ZNF385B: variants seen among roughly 807,000 people sequenced by gnomAD.
ZNF385B encodes the protein zinc finger protein 385B.
ZNF385B carries 23 observed loss-of-function variants against 39.2 expected under a neutral mutation model. That is an observed-to-expected ratio of 0.59 (90% CI 0.42 to 0.83). The LOEUF (loss-of-function observed/expected upper bound fraction) is 0.83. ZNF385B is among the 40% of genes least tolerant of loss of function. The pLI, the probability that ZNF385B is intolerant of heterozygous loss-of-function variation, is 0.00. For missense variants in ZNF385B, 552 were observed against 598.9 expected (o/e 0.92, Z 0.82); for synonymous variants, 205 against 222.6 (o/e 0.92, Z 0.70).
intron 3 of ZNF385B, among the ~76,000 whole-genome samples, chr2:179,578,135 G>A (rs1353429492): frequency 1.3e-5 from 2 of 152,048 alleles, no homozygotes; most frequent in Admixed American, 1.3e-4. Context: ...TTATATTTAT[G>A]TATGTTGCAC....
At chr2:179,807,988 C>A (rs1345838945) in intron 1 of ZNF385B, among the ~76,000 whole-genome samples, 2 of 151,846 alleles carry the variant, frequency 1.3e-5, no homozygotes, top group Non-Finnish European at 2.9e-5. Flanking sequence ...TAAAGTTAAA[C>A]AACATACAAA....
intron 3 of ZNF385B, among the ~76,000 whole-genome samples, chr2:179,639,056 C>T (rs538766104): frequency 1.3e-5 from 2 of 151,526 alleles, no homozygotes; most frequent in African/African-American, 2.4e-5. Context: ...CCCATCTCTA[C>T]AAAAAATACA....
chr2:179,555,532 C>T (rs1480470636), intron 3 of ZNF385B, among the ~76,000 whole-genome samples: 1 of 149,520 alleles, frequency 6.7e-6, no homozygotes, highest in Non-Finnish European at 1.5e-5. Flanking sequence ...GCTATTAATT[C>T]TAATAAAATG....
At chr2:179,742,078 T>C (rs934969454) in intron 3 of ZNF385B, among the ~76,000 whole-genome samples, 1 of 152,162 alleles carries the variant, frequency 6.6e-6, no homozygotes, top group African/African-American at 2.4e-5. Flanking sequence ...ATTAATTGTA[T>C]AATACTCATT....
intron 3 of ZNF385B, among the ~76,000 whole-genome samples, chr2:179,628,451 C>T (rs890952101): frequency 1.6e-4 from 24 of 152,144 alleles, no homozygotes; most frequent in Non-Finnish European, 7.4e-5. Context: ...CATGTGACAT[C>T]TTCCTCTTTC....
chr2:179,641,220 CT>C (rs1692239497), intron 3 of ZNF385B, among the ~76,000 whole-genome samples: 1 of 151,910 alleles, frequency 6.6e-6, no homozygotes, highest in Non-Finnish European at 1.5e-5. Flanking sequence ...GTTTTATAGT[CT>C]TCAATCATAT....
chr2:179,460,696 G>A (rs1245858296), intron 6 of ZNF385B, among the ~76,000 whole-genome samples: 3 of 152,174 alleles, frequency 2.0e-5, no homozygotes. Context: ...TCAGACCCAT[G>A]ACTCATGACT....
At chr2:179,576,920 T>C (rs1685892393) in intron 3 of ZNF385B, among the ~76,000 whole-genome samples, 1 of 152,164 alleles carries the variant, frequency 6.6e-6, no homozygotes, top group East Asian at 1.9e-4. Context: ...GCCTCCTTGA[T>C]CAAGGTGTTA....
intron 3 of ZNF385B, among the ~76,000 whole-genome samples, chr2:179,639,530 T>C (rs544799735): frequency 6.6e-6 from 1 of 152,270 alleles, no homozygotes; most frequent in East Asian, 1.9e-4. Context: ...TTGCCAATTA[T>C]ACCTTAATAA....
intron 1 of ZNF385B, among the ~76,000 whole-genome samples, chr2:179,828,782 T>C (rs955577696): frequency 1.2e-4 from 18 of 152,176 alleles, no homozygotes; most frequent in African/African-American, 4.1e-4. Flanking sequence ...ACTGGCATGA[T>C]TTGAAATATA....
chr2:179,602,306 C>T (rs368117496), intron 3 of ZNF385B, among the ~76,000 whole-genome samples: 5 of 152,274 alleles, frequency 3.3e-5, no homozygotes, highest in South Asian at 2.1e-4. Flanking sequence ...AAGCGATTCT[C>T]GTGCTCAGCC....
chr2:179,565,344 T>C (rs1684434793), intron 3 of ZNF385B, among the ~76,000 whole-genome samples: 1 of 152,210 alleles, frequency 6.6e-6, no homozygotes, highest in Non-Finnish European at 1.5e-5. Flanking sequence ...TGAGGAGCTC[T>C]GAAGGAAATA....
intron 3 of ZNF385B, among the ~76,000 whole-genome samples, chr2:179,579,599 A>G (rs1338536978): frequency 6.6e-6 from 1 of 152,136 alleles, no homozygotes; most frequent in Non-Finnish European, 1.5e-5. Context: ...ATATCTCAAT[A>G]AAATCCATAT....
intron 1 of ZNF385B, among the ~76,000 whole-genome samples, chr2:179,807,929 A>AGAAAGAAAGAAAGAAAGAAAGAAAGAAG (rs749760813): frequency 1.7e-4 from 20 of 116,524 alleles, no homozygotes; most frequent in Admixed American, 6.6e-4. Context: ...AAAGAAAGAA[A>AGAAAGAAAGAAAGAAAGAAAGAAAGAAG]GAAGGAAGGA....
In ZNF385B at chr2:179,626,382, T is replaced by G. The variant is rs565010012; in HGVS notation, c.299-81413A>C. Among the ~76,000 whole-genome samples the G allele has an allele frequency of 3.9e-5, 6 of 152,272 alleles. No homozygotes were observed. In the South Asian group the frequency reaches 1.2e-3, roughly 32 times the overall value. On this transcript the variant is annotated intron_variant, in intron 3 of 9. Coordinates refer to ENST00000410066, the MANE Select transcript of ZNF385B (RefSeq NM_152520.6). Reference sequence around the variant, plus strand: ...AGATGATACAGCACACTGCCTCAGATGGAGGATACAGCATACTGCTTCTTA... The same window carrying G: ...AGATGATACAGCACACTGCCTCAGAGGGAGGATACAGCATACTGCTTCTTA...
intron 1 of ZNF385B, among the ~76,000 whole-genome samples, chr2:179,839,762 C>CT (rs1708447293): frequency 6.6e-6 from 1 of 152,176 alleles, no homozygotes. Context: ...TTTACCACCC[C>CT]TACGCCCAAG....
At chr2:179,481,638 T>C (rs2054006483) in intron 6 of ZNF385B, among the ~76,000 whole-genome samples, 1 of 152,204 alleles carries the variant, frequency 6.6e-6, no homozygotes, top group Non-Finnish European at 1.5e-5. Context: ...ACTGTTCTAT[T>C]AGCTGAAAGA....
intron 6 of ZNF385B, among the ~76,000 whole-genome samples, chr2:179,455,466 C>A (rs78040129): frequency 1.3e-5 from 2 of 151,980 alleles, no homozygotes. Flanking sequence ...CCCTTTTGCT[C>A]GGCACGTCTC....
At chr2:179,676,379 C>T (rs186641283) in intron 3 of ZNF385B, among the ~76,000 whole-genome samples, 34 of 151,146 alleles carry the variant, frequency 2.2e-4, no homozygotes, top group African/African-American at 5.1e-4. Flanking sequence ...TGAGCCACCA[C>T]GCCCAGCCTA....
Sources: allele counts gnomAD v4.1 joint callset (sites outside exome capture counted in the v4.1 genomes callset), GRCh38; gene constraint gnomAD v4.1.1; transcripts MANE v1.5; gene names NCBI Gene and HGNC (gene_info 2026-07-23, HGNC 2026-07-21).